Variants in RBFOX3 observed in about 807,000 individuals in gnomAD.
RBFOX3 encodes RNA binding protein fox-1 homolog 3.
RBFOX3 carries 17 observed loss-of-function variants against 48.7 expected under a neutral mutation model. The ratio of observed to expected loss-of-function variants is 0.35; its 90% confidence interval spans 0.24 to 0.52. RBFOX3 has a LOEUF of 0.52. Among genes scored for constraint, RBFOX3 ranks in the 20% least tolerant of loss-of-function variants. The pLI, the probability that RBFOX3 is intolerant of heterozygous loss-of-function variation, is 0.94. For missense variants in RBFOX3, 382 were observed against 497.5 expected, an observed-to-expected ratio of 0.77 and a Z score of 2.21; for synonymous variants, 212 against 209.5, an observed-to-expected ratio of 1.01 and a Z score of -0.10.
At chr17:79,458,639 A>G (rs2074942430) in intron 2 of RBFOX3, among the ~76,000 whole-genome samples, 1 of 152,032 alleles carries the variant, frequency 6.6e-6, no homozygotes, top group South Asian at 2.1e-4. Flanking sequence ...CACAGCAAGT[A>G]AGTGAGCTCT....
chr17:79,112,904 C>CGGCAGGGG (rs1307784460), intron 5 of RBFOX3, among the ~76,000 whole-genome samples: 1 of 10,364 alleles, frequency 9.6e-5, no homozygotes, highest in Non-Finnish European at 2.0e-4. Context: ...AGCAGGCTCT[C>CGGCAGGGG]GGGGGGGGGG....
intron 1 of RBFOX3, among the ~76,000 whole-genome samples, chr17:79,550,651 G>A (rs2091047868): frequency 1.3e-5 from 2 of 152,172 alleles, no homozygotes; most frequent in African/African-American, 4.8e-5. Flanking sequence ...GCAGATGGAA[G>A]AATAGATGGA....
intron 4 of RBFOX3, among the ~76,000 whole-genome samples, chr17:79,138,914 G>A (rs867358310): frequency 5.2e-3 from 151 of 29,092 alleles, no homozygotes; most frequent in South Asian, 0.029. Flanking sequence ...ACCCTCACCC[G>A]CACACGCACA....
rs117586532 is a variant in RBFOX3, at chr17:79,242,807, G to A, written c.-73-7002C>T. 9.7e-3 allele frequency among the ~76,000 whole-genome samples: 1,475 copies of A among 152,242 alleles called. 9 individuals carry two copies. Among genetic ancestry groups the A allele is most frequent in the Non-Finnish European group, 0.014 (974 of 68,006 alleles). ...GGGCAGGGCTTAGGGGTTATACGCC[G>A]TGCTCAGAGCAGTTTTGCCTCCTCT... On this transcript the variant is annotated intron_variant, in intron 3 of 14. Transcript: ENST00000693108. This position sits in a 1 kb window ranked among gnomAD's most constrained non-coding sequence, Gnocchi z 5.8.
rs1417427470 is a variant in RBFOX3 at position 79,094,476 on chromosome 17, G to C, written c.1052C>G (p.Ala351Gly). The C allele has an allele frequency of 6.8e-7, 1 of 1,477,442 alleles. No individual in the cohort carries two copies. The highest frequency in any genetic ancestry group is 9.0e-7 in the Non-Finnish European group (1 of 1,115,242). The allele number at this position is 1,477,442 out of a possible 1,614,324, so 91.5% of individuals were successfully genotyped here. A position where few individuals can be genotyped will look rare whatever the true frequency, so the allele number is the denominator to read the frequency against. Residue 351 changes from alanine to glycine, a missense_variant, in exon 14 of 15, where the codon GCG (alanine) becomes GGG (glycine). Around this residue, in one of 3 missense-constraint regions of RBFOX3, gnomAD observed 215 missense variants for 254.8 expected, o/e 0.84. Coordinates refer to ENST00000693108, the MANE Select transcript of RBFOX3 (RefSeq NM_001350451.2). ...ADPYHHTIGP[A>G]ATYSIGTM ...CATGGTTCCAATGCTGTAGGTCGCC[G>C]CGGGCCCGATGGTGTGATGGTACGG...
At chr17:79,416,412 G>T (rs2148667545) in intron 2 of RBFOX3, among the ~76,000 whole-genome samples, 1 of 152,362 alleles carries the variant, frequency 6.6e-6, no homozygotes, top group Middle Eastern at 3.4e-3. Context: ...GCTAGGCATA[G>T]TATAGGGCAA....
chr17:79,121,657 G>A (rs1296167433), intron 4 of RBFOX3, among the ~76,000 whole-genome samples: 1 of 152,090 alleles, frequency 6.6e-6, no homozygotes, highest in Non-Finnish European at 1.5e-5. Context: ...TCCTCTATGT[G>A]GAGACACTTC....
At chr17:79,094,559 AGGAGGGTGGGGGAG>A in intron 13 of RBFOX3, 30 bp from the exon 14 acceptor site, 3 of 26,850 alleles carry the variant, frequency 1.1e-4, no homozygotes, top group Non-Finnish European at 2.2e-4. Flanking sequence ...GGGGAGTGGG[AGGAGGGTGGGGGAG>A]GGGGGCAGGT....
intron 1 of RBFOX3, chr17:79,600,788 A>G (rs901027211): frequency 6.6e-6 from 1 of 152,190 alleles, no homozygotes; most frequent in African/African-American, 2.4e-5. Flanking sequence ...CTCTCCTCCA[A>G]CCATGCACGG....
chr17:79,428,312 G>A (rs112455101), intron 2 of RBFOX3, among the ~76,000 whole-genome samples: 5 of 152,158 alleles, frequency 3.3e-5, no homozygotes, highest in Non-Finnish European at 7.4e-5. Flanking sequence ...GGGGGAGCTC[G>A]CGGGGCAGGA....
chr17:79,119,010 A>AAAT (rs1232680540), intron 4 of RBFOX3, among the ~76,000 whole-genome samples: 5 of 116,444 alleles, frequency 4.3e-5, no homozygotes, highest in African/African-American at 1.2e-4. Flanking sequence ...AAATAAAATA[A>AAAT]AAAAGAAAGC....
intron 2 of RBFOX3, among the ~76,000 whole-genome samples, chr17:79,424,411 A>G (rs2066986526): frequency 6.6e-6 from 1 of 152,146 alleles, no homozygotes; most frequent in South Asian, 2.1e-4. Flanking sequence ...ACAGCCAGCC[A>G]GGCTGGCGGA....
chr17:79,403,530 A>C (rs2063092921), intron 2 of RBFOX3, among the ~76,000 whole-genome samples: 1 of 152,108 alleles, frequency 6.6e-6, no homozygotes, highest in African/African-American at 2.4e-5. Context: ...CGTCAGCCCC[A>C]CAGCTCCACA....
chr17:79,601,101 C>G (rs966076409), intron 1 of RBFOX3: 49 of 152,370 alleles, frequency 3.2e-4, no homozygotes, highest in African/African-American at 1.2e-3. Context: ...CCGACTGCAG[C>G]CTCGAGGGGC....
chr17:79,280,311 C>A (rs2070078832), intron 3 of RBFOX3, among the ~76,000 whole-genome samples: 1 of 152,138 alleles, frequency 6.6e-6, no homozygotes, highest in Non-Finnish European at 1.5e-5. Context: ...ATACACCCCC[C>A]AACACACCCA....
intron 2 of RBFOX3, among the ~76,000 whole-genome samples, chr17:79,386,922 A>G (rs986044093): frequency 2.6e-5 from 4 of 152,242 alleles, no homozygotes; most frequent in Non-Finnish European, 4.4e-5. Context: ...AGACAGGTCT[A>G]CTTATGAAGG....
At chr17:79,635,953 T>C in the RBFOX3 span, among the ~76,000 whole-genome samples, 823 of 152,348 alleles carry the variant, frequency 5.4e-3, 5 homozygotes, top group Middle Eastern at 0.017. Flanking sequence ...ATTTGATACA[T>C]GGTAGGTAAG....
chr17:79,654,504 T>C, the RBFOX3 span, among the ~76,000 whole-genome samples: 2 of 152,172 alleles, frequency 1.3e-5, no homozygotes, highest in African/African-American at 4.8e-5. Context: ...TCTGAAGACA[T>C]TGAAAACTCT....
intron 1 of RBFOX3, among the ~76,000 whole-genome samples, chr17:79,593,569 G>A (rs1460269004): frequency 6.6e-6 from 1 of 152,218 alleles, no homozygotes; most frequent in African/African-American, 2.4e-5. Flanking sequence ...GGAACACCGA[G>A]GGAGGAATCC....
Sources: allele counts gnomAD v4.1 joint callset (sites outside exome capture counted in the v4.1 genomes callset), GRCh38; gene constraint gnomAD v4.1.1; regional missense constraint gnomAD v4.1.1; non-coding constraint Gnocchi (gnomAD v3.1); transcripts MANE v1.5; gene names NCBI Gene and HGNC (gene_info 2026-07-23, HGNC 2026-07-21).